The following DMD variants were observed in gnomAD, a reference collection of about 807,000 sequenced individuals.
DMD encodes dystrophin.
Under a neutral mutation model 330.1 loss-of-function variants are expected in DMD, and 63 were observed. The observed-to-expected ratio is 0.19, with a 90% confidence interval of 0.16 to 0.24. The LOEUF is 0.24. Ranked by LOEUF, DMD falls within the 10% of genes least tolerant of loss-of-function variation. The probability of loss-of-function intolerance (pLI) is 1.00; values close to 1 mark genes in which losing one functional copy is unlikely to be tolerated. For missense variants in DMD, 3,344 were observed against 2,684.1 expected, an observed-to-expected ratio of 1.25 and a Z score of -5.43; for synonymous variants, 1,223 against 959.8, an observed-to-expected ratio of 1.27 and a Z score of -5.07.
intron 55 of DMD, among the ~76,000 whole-genome samples, chrX:31,620,537 C>G (rs1217868187): frequency 9.2e-6 from 1 of 108,537 alleles, no homozygotes; most frequent in Non-Finnish European, 1.9e-5. Context: ...GCCTCTGCCT[C>G]CCGAGTAGTT....
intron 7 of DMD, among the ~76,000 whole-genome samples, chrX:32,728,552 A>G (rs1376732709): frequency 8.9e-6 from 1 of 111,816 alleles, no homozygotes; most frequent in East Asian, 2.8e-4. Context: ...TAGACCACAT[A>G]AATGTCATGT....
chrX:31,126,809 A>G lies in DMD; in HGVS notation c.11015-136T>C, dbSNP rs996992997. On this transcript the variant is annotated intron_variant, in intron 77 of 78. Coordinates refer to ENST00000357033, the MANE Select transcript of DMD (RefSeq NM_004006.3). ...GACCATTTATTCTCTGCTGGAAAAA[A>G]AAAAAAAAAAAAAAACAGAAACAAA... The G allele has an allele frequency of 3.0e-5, 13 of 429,454 alleles. No individual in the cohort carries two copies. In the African/African-American group the frequency reaches 3.4e-4, roughly 11 times the overall value. 35.4% of individuals were successfully genotyped at this position (429,454 alleles called of 1,213,427 possible).
rs1412214151 is a variant in DMD, at chrX:31,916,375, C to T, written c.6912+13221G>A. 2.7e-5 allele frequency among the ~76,000 whole-genome samples: 3 copies of T among 111,943 alleles called. No homozygotes were observed. In the East Asian group the frequency reaches 8.4e-4, roughly 31 times the overall value. ...TACTTAACTGATATATAGGGGAAAG[C>T]CAGAAATGGGAGTGAGGCTTGGTAC... On this transcript the variant is annotated intron_variant, in intron 47 of 78. Coordinates refer to ENST00000357033, the MANE Select transcript of DMD (RefSeq NM_004006.3).
intron 1 of DMD, among the ~76,000 whole-genome samples, chrX:33,062,977 T>C (rs5928163): frequency 0.34 from 37,838 of 110,969 alleles, 4,878 homozygotes; most frequent in East Asian, 0.69. Flanking sequence ...TTGAAACTCT[T>C]ATTTGAAACA....
At chrX:31,960,134 T>C (rs1322676302) in intron 45 of DMD, among the ~76,000 whole-genome samples, 1 of 109,868 alleles carries the variant, frequency 9.1e-6, no homozygotes, top group African/African-American at 3.3e-5. Context: ...CACAATTCTC[T>C]TATCTTTTCA....
chrX:31,957,581 T>G (rs1228260337), intron 45 of DMD, among the ~76,000 whole-genome samples: 1 of 112,103 alleles, frequency 8.9e-6, no homozygotes, highest in African/African-American at 3.2e-5. Flanking sequence ...ATTGTTAGAT[T>G]GGCAGCTTAC....
intron 62 of DMD, among the ~76,000 whole-genome samples, chrX:31,310,636 C>T (rs745872065): frequency 9.0e-6 from 1 of 110,600 alleles, no homozygotes; most frequent in African/African-American, 3.3e-5. Flanking sequence ...CCTCAACTTT[C>T]GGCCCCCTGG....
chrX:31,796,126 A>G (rs1391763105), intron 50 of DMD, among the ~76,000 whole-genome samples: 10 of 112,220 alleles, frequency 8.9e-5, no homozygotes, highest in African/African-American at 2.9e-4. Context: ...TACAACCTTT[A>G]CTAATACATT....
intron 9 of DMD, among the ~76,000 whole-genome samples, chrX:32,647,107 T>C (rs1340499848): frequency 9.0e-6 from 1 of 111,669 alleles, no homozygotes; most frequent in East Asian, 2.8e-4. Context: ...TTGTGCAACC[T>C]GAGCAGTTGC....
intron 22 of DMD, among the ~76,000 whole-genome samples, chrX:32,471,357 C>T (rs910336053): frequency 8.9e-6 from 1 of 111,785 alleles, no homozygotes; most frequent in African/African-American, 3.2e-5. Flanking sequence ...GTATATCTTT[C>T]CTGATAGAAG....
intron 74 of DMD, among the ~76,000 whole-genome samples, chrX:31,153,198 GCT>G (rs1032404701): frequency 3.6e-5 from 4 of 111,697 alleles, no homozygotes; most frequent in African/African-American, 1.3e-4. Context: ...AGGCTGTGAT[GCT>G]CTCTTTCCCA....
chrX:32,650,533 G>A (rs1401288762), intron 9 of DMD, among the ~76,000 whole-genome samples: 1 of 111,575 alleles, frequency 9.0e-6, no homozygotes, highest in East Asian at 2.8e-4. Flanking sequence ...ACCAGGATTA[G>A]TACCTGGAAA....
chrX:31,207,364 T>C (rs1251981595), intron 65 of DMD, among the ~76,000 whole-genome samples: 1 of 92,474 alleles, frequency 1.1e-5, no homozygotes, highest in Non-Finnish European at 2.2e-5. Context: ...TATAGAAAAC[T>C]GAAATAAAGC....
At chrX:32,336,279 G>C (rs1409655805) in intron 41 of DMD, among the ~76,000 whole-genome samples, 1 of 111,131 alleles carries the variant, frequency 9.0e-6, no homozygotes, top group African/African-American at 3.3e-5. Context: ...GCCTCACAAA[G>C]AGCTGGGATT....
intron 11 of DMD, among the ~76,000 whole-genome samples, chrX:32,635,216 G>A (rs146013522): frequency 1.5e-4 from 17 of 111,588 alleles, no homozygotes; most frequent in African/African-American, 5.5e-4. Context: ...CTGCTGCCAT[G>A]GATGAGGGAG....
chrX:31,554,607 A>AT (rs1486283638), intron 55 of DMD, among the ~76,000 whole-genome samples: 1 of 111,467 alleles, frequency 9.0e-6, no homozygotes, highest in Admixed American at 9.6e-5. Context: ...ATATATTATT[A>AT]TTTTTTATTT....
chrX:31,986,371 A>C (rs1427960603), intron 44 of DMD, among the ~76,000 whole-genome samples: 2 of 111,569 alleles, frequency 1.8e-5, no homozygotes, highest in African/African-American at 6.5e-5. Context: ...CCCATTAAGA[A>C]GGCAACCTAT....
At chrX:31,688,213 G>A (rs766102491) in intron 52 of DMD, among the ~76,000 whole-genome samples, 6 of 111,033 alleles carry the variant, frequency 5.4e-5, no homozygotes. Flanking sequence ...AGAATTGATA[G>A]ACCGCTAGTA....
At chrX:31,800,892 C>T (rs776196652) in intron 50 of DMD, among the ~76,000 whole-genome samples, 16 of 111,576 alleles carry the variant, frequency 1.4e-4, no homozygotes, top group African/African-American at 5.2e-4. Flanking sequence ...TGGACTTCAT[C>T]GTCCACATCA....
Sources: gnomAD v4.1 joint callset for allele counts (sites outside exome capture counted in the v4.1 genomes callset) on GRCh38, gnomAD v4.1.1 for gene constraint, MANE v1.5 for transcripts, NCBI Gene and HGNC (gene_info 2026-07-23, HGNC 2026-07-21) for gene names.